Variants in KPNA1 observed in about 807,000 individuals in gnomAD.
KPNA1 encodes the protein importin subunit alpha-5.
KPNA1 carries 10 observed loss-of-function variants against 70.5 expected under a neutral mutation model. That is an observed-to-expected ratio of 0.14 (90% CI 0.09 to 0.24). The LOEUF (loss-of-function observed/expected upper bound fraction) is 0.24, where lower values mean the gene tolerates loss of function less well. KPNA1 is among the 10% of genes least tolerant of loss of function. The pLI, the probability that KPNA1 is intolerant of heterozygous loss-of-function variation, is 1.00. For synonymous variants in KPNA1, 192 were observed against 221.9 expected (o/e 0.87, Z 1.20); for missense variants, 397 against 637.9 (o/e 0.62, Z 4.07).
At chr3:122,511,351 T>C (rs1186401828) in intron 1 of KPNA1, among the ~76,000 whole-genome samples, 1 of 152,234 alleles carries the variant, frequency 6.6e-6, no homozygotes, top group Non-Finnish European at 1.5e-5. Flanking sequence ...TCTTTGTATA[T>C]GAAGGGCAGC....
chr3:122,487,931 A>G (rs1416088057), intron 2 of KPNA1, among the ~76,000 whole-genome samples: 1 of 152,202 alleles, frequency 6.6e-6, no homozygotes, highest in Admixed American at 6.5e-5. Context: ...ATTTTTTAAA[A>G]CAGTTAAGAG....
At chr3:122,483,469 C>A (rs569143555) in intron 2 of KPNA1, among the ~76,000 whole-genome samples, 32 of 152,220 alleles carry the variant, frequency 2.1e-4, no homozygotes, top group Non-Finnish European at 2.9e-5. Context: ...TTCAGCCTCA[C>A]AAGTAGCTGG....
intron 2 of KPNA1, among the ~76,000 whole-genome samples, chr3:122,469,745 C>T (rs2107751918): frequency 1.3e-5 from 2 of 152,146 alleles, no homozygotes; most frequent in Middle Eastern, 6.8e-3. Flanking sequence ...TTTCAAACAA[C>T]AGAAAATCAG....
chr3:122,478,622 T>A (rs1303773770), intron 2 of KPNA1, among the ~76,000 whole-genome samples: 1 of 151,470 alleles, frequency 6.6e-6, no homozygotes, highest in Non-Finnish European at 1.5e-5. Flanking sequence ...CTCAGGAGGC[T>A]GAGGCAGGAG....
At position 122,496,348 on chromosome 3, in the gene KPNA1, A is replaced by ACACACACC. The variant is rs958829617; in HGVS notation, c.129+88_129+89insGGTGTGTG. 2.5e-6 allele frequency: 3 copies of ACACACACC among 1,193,550 alleles called. No homozygotes were observed. The African/African-American group carries it at 4.6e-5, about 18-fold the overall frequency. 73.9% of individuals were successfully genotyped at this position (1,193,550 alleles called of 1,614,324 possible). ...CACACACACACACACACACACACAC[A>ACACACACC]CCCCAACTTTGCTAAAATGAAGATA... On this transcript the variant is annotated intron_variant, in intron 2 of 13. Transcript: ENST00000344337.
At position 122,425,949 on chromosome 3, in the gene KPNA1, A is replaced by G. The variant is rs1466771669; in HGVS notation, c.*1036T>C. On this transcript the variant is annotated 3_prime_UTR_variant, in exon 14 of 14. Coordinates refer to ENST00000344337, the MANE Select transcript of KPNA1 (RefSeq NM_002264.4). Reference sequence around the variant, plus strand: ...AAAGTTACTTTCAAAAGTATGTGTTATCTGCCAGTCACAGAGGGGAAAAGC... The same window carrying G: ...AAAGTTACTTTCAAAAGTATGTGTTGTCTGCCAGTCACAGAGGGGAAAAGC... 6.6e-6 allele frequency: 1 copy of G among 152,608 alleles called. No individual in the cohort carries two copies. Among genetic ancestry groups the G allele is most frequent in the African/African-American group, 2.4e-5 (1 of 41,444 alleles). The allele number at this position is 152,608 out of a possible 1,614,324, so 9.5% of individuals were successfully genotyped here. A position where few individuals can be genotyped will look rare whatever the true frequency, so the allele number is the denominator to read the frequency against.
At position 122,463,930 on chromosome 3, in the gene KPNA1, T is replaced by C. The variant is rs762473689; in HGVS notation, c.337+12A>G. 6.7e-7 allele frequency: 1 copy of C among 1,503,488 alleles called. No homozygotes were observed. Among genetic ancestry groups the C allele is most frequent in the Non-Finnish European group, 9.2e-7 (1 of 1,084,576 alleles). 93.1% of individuals were successfully genotyped at this position (1,503,488 alleles called of 1,614,324 possible). On this transcript the variant is annotated intron_variant, in intron 4 of 13. Coordinates refer to ENST00000344337, the MANE Select transcript of KPNA1 (RefSeq NM_002264.4). Reference sequence around the variant, plus strand: ...GAGATGAAAAAATATACTGAACATATTCATAGCTCACCTTTTGAAAGCAGC... The same window carrying C: ...GAGATGAAAAAATATACTGAACATACTCATAGCTCACCTTTTGAAAGCAGC...
At chr3:122,474,053 C>T (rs899834552) in intron 2 of KPNA1, among the ~76,000 whole-genome samples, 1 of 152,056 alleles carries the variant, frequency 6.6e-6, no homozygotes, top group Non-Finnish European at 1.5e-5. Flanking sequence ...CTTTCCTATA[C>T]ACCAGCAATG....
At chr3:122,435,131 C>T (rs949099724) in intron 11 of KPNA1, among the ~76,000 whole-genome samples, 1 of 152,060 alleles carries the variant, frequency 6.6e-6, no homozygotes, top group South Asian at 2.1e-4. Context: ...TTTTTATTGA[C>T]AAATAATAAT....
At chr3:122,459,582 A>G (rs2076299914) in intron 5 of KPNA1, 6 of 985,302 alleles carry the variant, frequency 6.1e-6, no homozygotes, top group Non-Finnish European at 7.2e-6. Context: ...ATCCTGAGAA[A>G]AGTCTCTCTT....
chr3:122,458,721 G>A (rs2076291215), intron 5 of KPNA1, among the ~76,000 whole-genome samples: 1 of 152,188 alleles, frequency 6.6e-6, no homozygotes, highest in East Asian at 1.9e-4. Flanking sequence ...GAAGGCAGAG[G>A]AAGGAGTAAC....
chr3:122,427,017 A>G lies in KPNA1; in HGVS notation c.1585T>C (p.Cys529Arg). ...TGGAAACCTTCCATAGGAGCCTCAC[A>G]CTGTTGGAAGATGTACTGCTGCTGG... ...LNQQQYIFQQ[C>R]EAPMEGFQL Residue 529 changes from cysteine to arginine, a missense_variant, in exon 14 of 14, where the codon TGT (cysteine) becomes CGT (arginine). Transcript: ENST00000344337. The G allele has an allele frequency of 1.9e-6, 3 of 1,614,134 alleles. No homozygotes were observed. Among genetic ancestry groups the G allele is most frequent in the Non-Finnish European group, 2.5e-6 (3 of 1,180,000 alleles).
chr3:122,481,781 A>G (rs531832425), intron 2 of KPNA1, among the ~76,000 whole-genome samples: 8 of 152,382 alleles, frequency 5.2e-5, no homozygotes, highest in South Asian at 2.1e-4. Flanking sequence ...GATAAATAAT[A>G]TATCAGAAAG....
At chr3:122,437,411 G>GT (rs1415678683) in intron 10 of KPNA1, 116 bp from the exon 11 acceptor site, 2 of 710,378 alleles carry the variant, frequency 2.8e-6, no homozygotes, top group African/African-American at 3.6e-5. Context: ...TTATAAATAA[G>GT]TAACTTTATA....
intron 2 of KPNA1, among the ~76,000 whole-genome samples, chr3:122,475,531 C>A (rs1234413924): frequency 4.6e-5 from 7 of 152,066 alleles, no homozygotes; most frequent in Non-Finnish European, 7.4e-5. Context: ...CAAAAGACCC[C>A]AAATAGCCAA....
chr3:122,500,159 T>C (rs188563392), intron 1 of KPNA1, among the ~76,000 whole-genome samples: 36 of 152,304 alleles, frequency 2.4e-4, no homozygotes, highest in African/African-American at 7.5e-4. Context: ...TCTCACTCTG[T>C]TGCCCAGGCT....
intron 2 of KPNA1, among the ~76,000 whole-genome samples, chr3:122,469,308 C>T (rs933146429): frequency 3.3e-5 from 5 of 152,082 alleles, no homozygotes; most frequent in Admixed American, 2.0e-4. Flanking sequence ...TGAAAGAACT[C>T]CCCAAACCTC....
intron 12 of KPNA1, among the ~76,000 whole-genome samples, chr3:122,428,195 T>C (rs2075848657): frequency 1.3e-5 from 2 of 152,204 alleles, no homozygotes. Context: ...CTAGAACTGG[T>C]ATTTTTCCTT....
At chr3:122,436,935 G>A (rs998707947) in intron 11 of KPNA1, among the ~76,000 whole-genome samples, 4 of 152,030 alleles carry the variant, frequency 2.6e-5, no homozygotes, top group East Asian at 3.9e-4. Context: ...CTGCCACTGC[G>A]ACTGGCTAAT....
Sources: gnomAD v4.1 joint callset for allele counts (sites outside exome capture counted in the v4.1 genomes callset) on GRCh38, gnomAD v4.1.1 for gene constraint, MANE v1.5 for transcripts, NCBI Gene and HGNC (gene_info 2026-07-23, HGNC 2026-07-21) for gene names.